MUC4: variants seen among roughly 807,000 people sequenced by gnomAD.
MUC4 encodes mucin 4, cell surface associated.
A neutral mutation model predicts 257.9 loss-of-function variants in MUC4; 202 were observed. The observed-to-expected ratio is 0.78, with a 90% CI of 0.70 to 0.88. The LOEUF (loss-of-function observed/expected upper bound fraction) is 0.88, where lower values mean the gene tolerates loss of function less well. Ranked by LOEUF, MUC4 falls within the 40% of genes least tolerant of loss-of-function variation. The pLI, the probability that MUC4 is intolerant of heterozygous loss-of-function variation, is 0.00. For missense variants in MUC4, 5,976 were observed against 6,513.7 expected, an observed-to-expected ratio of 0.92 and a Z score of 2.84; for synonymous variants, 2,351 against 2,757.1, an observed-to-expected ratio of 0.85 and a Z score of 4.62.
intron 5 of MUC4, chr3:195,770,806 C>T (rs1312167452): frequency 4.4e-6 from 2 of 452,974 alleles, no homozygotes; most frequent in Non-Finnish European, 8.9e-6. Flanking sequence ...CACATTTCCT[C>T]TGATTGGAGT....
At chr3:195,767,703 T>TC (rs1560263757) in intron 7 of MUC4, among the ~76,000 whole-genome samples, 5 of 1,214 alleles carry the variant, frequency 4.1e-3, no homozygotes, top group Non-Finnish European at 7.2e-3. Flanking sequence ...CCCCAAAAAA[T>TC]ACCACCATCG....
At position 195,784,411 on chromosome 3, in the gene MUC4, GCGTC is replaced by G. The variant is rs1730245494; in HGVS notation, c.7165_7168del (p.Asp2389LeufsTer614). 1 of 1,476,484 alleles carries G rather than the reference GCGTC, an allele frequency of 6.8e-7. No individual in the cohort carries two copies. The highest frequency in any genetic ancestry group is 1.5e-5 in the African/African-American group (1 of 65,758). The allele number at this position is 1,476,484 out of a possible 1,614,324, so 91.5% of individuals were successfully genotyped here. A position where few individuals can be genotyped will look rare whatever the true frequency, so the allele number is the denominator to read the frequency against. On this transcript the variant is annotated frameshift_variant, in exon 2 of 25. Transcript: ENST00000463781. LOFTEE classifies it high-confidence loss of function. ...GGTGTCACCTGTGGATGCTGAGGAA[GCGTC>G]GGTGACAGGAAGAGGGGTGGTGTGA... is the stretch of plus-strand genomic sequence containing the variant.
At position 195,774,157 on chromosome 3, in the gene MUC4, G is replaced by A. The variant is rs200095535; in HGVS notation, c.13077+15C>T. On this transcript the variant is annotated intron_variant, in intron 4 of 24. Coordinates refer to ENST00000463781, the MANE Select transcript of MUC4 (RefSeq NM_018406.7). ...CCTGGGAGTTCAGGCTGCGCGGGCC[G>A]CAGCCCGGACTCACGTAGAGGGAAT... The A allele has an allele frequency of 9.2e-5, 147 of 1,593,474 alleles. 2 individuals are homozygous for A. In the East Asian group the frequency reaches 2.7e-3, roughly 30 times the overall value.
rs537778824 is a variant in MUC4, at chr3:195,781,685, C to G, written c.9895G>C (p.Val3299Leu). ...SSTGDTTPLL[V>L]TETSSVSTGH... The stretch of plus-strand genomic sequence containing the variant: ...GTGGATACTGAGGAAGTCTCGGTGA[C>G]AAGAAGAGGGGTGGTGTCACCTGTG... The change falls in exon 2 of 25, where the codon GTC becomes CTC. Residue 3299 changes from valine (V) to leucine (L), a missense_variant. By Grantham distance (32) the Val-to-Leu change is conservative. This residue lies in a region of MUC4 where 51 missense variants were observed against 66.9 expected (regional missense o/e 0.76). Transcript: ENST00000463781. 2.0e-4 allele frequency: 268 copies of G among 1,346,336 alleles called. 13 individuals are homozygous for G. In the African/African-American group the frequency reaches 2.7e-3, roughly 13 times the overall value. The allele number at this position is 1,346,336 out of a possible 1,614,324, so 83.4% of individuals were successfully genotyped here.
At position 195,755,212 on chromosome 3, in the gene MUC4, T is replaced by TA. The variant is rs1717426649; in HGVS notation, c.15169-841dup. 6.6e-6 allele frequency among the ~76,000 whole-genome samples: 1 copy of TA among 151,728 alleles called. No homozygotes were observed. The highest frequency in any genetic ancestry group is 2.4e-5 in the African/African-American group (1 of 41,276). Reference sequence around the variant, plus strand: ...TGTATTTTTCTTCTGCTTTTTTTTTTAATGAGACAGTCTCGTTCTGTTTCC... The same window carrying TA: ...TGTATTTTTCTTCTGCTTTTTTTTTTAAATGAGACAGTCTCGTTCTGTTTCC... On this transcript the variant is annotated intron_variant, in intron 18 of 24. Transcript: ENST00000463781. This position sits in a 1 kb window ranked among gnomAD's most constrained non-coding sequence, Gnocchi z 5.0.
intron 24 of MUC4, among the ~76,000 whole-genome samples, chr3:195,747,636 G>A (rs1287150634): frequency 6.6e-6 from 1 of 152,286 alleles, no homozygotes; most frequent in Non-Finnish European, 1.5e-5. Context: ...AGGCTGAGGC[G>A]GGCGCATCAC....
rs201624504 is a variant in MUC4 at position 195,764,038 on chromosome 3, C to A, written c.14044+7G>T. On this transcript the variant is annotated splice_region_variant and intron_variant, in intron 11 of 24. Transcript: ENST00000463781. ...GGCTCTTCCTGGGCCTGGGCCCTGT[C>A]GCTCACCGGGCTGTGGGGGCCTGTA... 1 of 1,607,982 alleles carries A rather than the reference C, an allele frequency of 6.2e-7. No homozygotes were observed. Among genetic ancestry groups the A allele is most frequent in the Non-Finnish European group, 8.5e-7 (1 of 1,177,532 alleles).
Position 195,788,123 on chromosome 3 carries a change from G to C in MUC4, c.3457C>G (p.Leu1153Val). Reference sequence around the variant, plus strand: ...GCTGAGGAAGCATCAGTGACATGAAGAGGGGTGGTGTGACCTGTGGATACT... The same window carrying C: ...GCTGAGGAAGCATCAGTGACATGAACAGGGGTGGTGTGACCTGTGGATACT... ...SSVSTGHTTPLHVTDASSAST... is the reference protein window; with the variant it reads ...SSVSTGHTTPVHVTDASSAST... The change falls in exon 2 of 25, where the codon CTT (leucine) becomes GTT (valine). Residue 1153 changes from leucine to valine, a missense_variant. This residue lies in a region of MUC4 where 90 missense variants were observed against 106.2 expected (regional missense o/e 0.85). Coordinates refer to ENST00000463781, the MANE Select transcript of MUC4 (RefSeq NM_018406.7). The C allele has an allele frequency of 1.3e-6, 2 of 1,494,292 alleles. No individual in the cohort carries two copies. Among genetic ancestry groups the C allele is most frequent in the Non-Finnish European group, 1.8e-6 (2 of 1,115,594 alleles). 92.6% of individuals were successfully genotyped at this position (1,494,292 alleles called of 1,614,324 possible).
chr3:195,802,745 G>C (rs1204714128), intron 1 of MUC4, among the ~76,000 whole-genome samples: 1 of 152,148 alleles, frequency 6.6e-6, no homozygotes, highest in Admixed American at 6.5e-5. Context: ...TGCGTGGCAG[G>C]GTGGCTTCTG....
chr3:195,754,255 C>G lies in MUC4; in HGVS notation c.15286G>C (p.Ala5096Pro). Residue 5096 changes from alanine (A) to proline (P), a missense_variant, in exon 19 of 25, where the codon GCC becomes CCC. By Grantham distance (27) the Ala-to-Pro change is conservative. Coordinates refer to ENST00000463781, the MANE Select transcript of MUC4 (RefSeq NM_018406.7). ...VHCVPGKGCE[A>P]CPPNLTGDGR... ...TCCCCAGTCAGGTTTGGAGGGCAGG[C>G]CTCGCAGCCCTTCCCAGGAACGCAG... The G allele has an allele frequency of 3.1e-6, 5 of 1,614,038 alleles. No individual in the cohort carries two copies. The highest frequency in any genetic ancestry group is 4.2e-6 in the Non-Finnish European group (5 of 1,179,996).
At chr3:195,795,754 A>C (rs559558073) in intron 1 of MUC4, among the ~76,000 whole-genome samples, 1 of 151,754 alleles carries the variant, frequency 6.6e-6, no homozygotes, top group Non-Finnish European at 1.5e-5. Flanking sequence ...ACCAGAACTC[A>C]CTATAGAAAC....
At chr3:195,752,755 G>A (rs1330325906) in intron 20 of MUC4, among the ~76,000 whole-genome samples, 2 of 152,046 alleles carry the variant, frequency 1.3e-5, no homozygotes, top group Admixed American at 6.5e-5. Flanking sequence ...TGGCCCTCAC[G>A]CTAGGGCTCA....
Position 195,782,509 on chromosome 3 carries a change from G to T in MUC4, c.9071C>A (p.Pro3024His). The part of the protein sequence containing the change: ...TSSISTGHAT[P>H]LHVTSPSSAS... Reference sequence around the variant, plus strand: ...TGAGGAAGGGCTGGTGACATGAAGAGGGGTGGCGTGACCTGTGGATATTGA... The same window carrying T: ...TGAGGAAGGGCTGGTGACATGAAGATGGGTGGCGTGACCTGTGGATATTGA... The change falls in exon 2 of 25, where the codon CCT becomes CAT. Residue 3024 changes from proline (P) to histidine (H), a missense_variant. This residue lies in a region of MUC4 where 68 missense variants were observed against 50.2 expected (regional missense o/e 1.35). Transcript: ENST00000463781. The T allele has an allele frequency of 7.2e-7, 1 of 1,386,160 alleles. No individual in the cohort carries two copies. The highest frequency in any genetic ancestry group is 9.7e-7 in the Non-Finnish European group (1 of 1,032,020). The allele number at this position is 1,386,160 out of a possible 1,614,324, so 85.9% of individuals were successfully genotyped here.
chr3:195,778,341 CG>C lies in MUC4; in HGVS notation c.12904del (p.Arg4302AlafsTer125), dbSNP rs780572180. 3.7e-6 allele frequency: 6 copies of C among 1,612,326 alleles called. 1 individual carries two copies. The South Asian group carries it at 6.6e-5, about 18-fold the overall frequency. On this transcript the variant is annotated frameshift_variant, in exon 3 of 25. Transcript: ENST00000463781. LOFTEE classifies it high-confidence loss of function. Reference sequence around the variant, plus strand: ...GATGGGGATGGGGGCAGCTGTGGAGCGGGTGTGCATGGCAGTGCTGGGAATG... The same window carrying C: ...GATGGGGATGGGGGCAGCTGTGGAGCGGTGTGCATGGCAGTGCTGGGAATG... ...STIPSTAMHT[R>X]STAAPIPILP...
At position 195,779,703 on chromosome 3, in the gene MUC4, G is replaced by C; in HGVS notation, c.11877C>G (p.Ser3959=). 3.6e-6 allele frequency: 5 copies of C among 1,383,194 alleles called. No homozygotes were observed. Among genetic ancestry groups the C allele is most frequent in the Non-Finnish European group, 4.8e-6 (5 of 1,032,676 alleles). The allele number at this position is 1,383,194 out of a possible 1,614,324, so 85.7% of individuals were successfully genotyped here. The change falls in exon 2 of 25, where the codon TCC becomes TCG. Residue 3959 remains serine (S), a synonymous_variant. Transcript: ENST00000463781. ...AGGTGGCGTGACCTGTGGATACTGA[G>C]GAAGTGTCGGTGACAGGAAGAGGGG... The part of the protein sequence containing the change: ...DTTPLPVTDT[S]SVSTGHATSL...
At position 195,763,911 on chromosome 3, in the gene MUC4, C is replaced by T. The variant is rs1480142932; in HGVS notation, c.14044+134G>A. ...AAAGCCCCTCCACTGACCATCCACC[C>T]ATCACTGGCGTCATCTCCATCTTCC... On this transcript the variant is annotated intron_variant, in intron 11 of 24. Coordinates refer to ENST00000463781, the MANE Select transcript of MUC4 (RefSeq NM_018406.7). 3 of 1,348,078 alleles carry T rather than the reference C, an allele frequency of 2.2e-6. No individual in the cohort carries two copies. In the African/African-American group the frequency reaches 4.4e-5, roughly 20 times the overall value. The allele number at this position is 1,348,078 out of a possible 1,614,324, so 83.5% of individuals were successfully genotyped here.
At position 195,789,856 on chromosome 3, in the gene MUC4, C is replaced by G; in HGVS notation, c.1724G>C (p.Gly575Ala). 6.2e-7 allele frequency: 1 copy of G among 1,613,872 alleles called. No homozygotes were observed. The highest frequency in any genetic ancestry group is 8.5e-7 in the Non-Finnish European group (1 of 1,179,868). Residue 575 changes from glycine (G) to alanine (A), a missense_variant, in exon 2 of 25, where the codon GGA becomes GCA. Gly to Ala is a moderately conservative substitution (Grantham distance 60, BLOSUM62 0). This residue lies in a region of MUC4 where 1,583 missense variants were observed against 1,257.4 expected (regional missense o/e 1.26). Transcript: ENST00000463781. The stretch of plus-strand genomic sequence containing the variant: ...GCTTGGGCTGCTGAGAAGAGCCTCT[C>G]CAGTGGTCCCCGTTTCTTGTGTCCA... ...TQWTQETGTT[G>A]EALLSSPSYS...
At position 195,778,778 on chromosome 3, in the gene MUC4, G is replaced by A. The variant is rs1281089118; in HGVS notation, c.12790+12C>T. The A allele has an allele frequency of 8.7e-6, 14 of 1,602,824 alleles. No homozygotes were observed. In the East Asian group the frequency reaches 1.1e-4, roughly 13 times the overall value. ...CACTGGGAGACATAAAGGCGAGGCA[G>A]TTGGCAGCTACCTGGTGTTTCCATC... is the stretch of plus-strand genomic sequence containing the variant. On this transcript the variant is annotated intron_variant, in intron 2 of 24. Transcript: ENST00000463781.
rs772372247 is a variant in MUC4 at position 195,786,278 on chromosome 3, A to T, written c.5302T>A (p.Ser1768Thr). ...ATPLPVTDTS[S>T]VSTAHATPLP... is the part of the protein sequence containing the mutation. ...GGGGTGGCGTGAGCTGTGGATACTG[A>T]GGAAGTGTCGGTGACAGGAAGAGGG... Residue 1768 changes from serine (S) to threonine (T), a missense_variant, in exon 2 of 25, where the codon TCA (serine) becomes ACA (threonine). Ser to Thr is a moderately conservative substitution (Grantham distance 58). Coordinates refer to ENST00000463781, the MANE Select transcript of MUC4 (RefSeq NM_018406.7). 1 of 1,500,608 alleles carries T rather than the reference A, an allele frequency of 6.7e-7. No individual in the cohort carries two copies. Among genetic ancestry groups the T allele is most frequent in the South Asian group, 1.2e-5 (1 of 81,472 alleles). 93.0% of individuals were successfully genotyped at this position (1,500,608 alleles called of 1,614,324 possible).
Sources: gnomAD v4.1 joint callset for allele counts (sites outside exome capture counted in the v4.1 genomes callset) on GRCh38, gnomAD v4.1.1 for gene constraint, gnomAD v4.1.1 regional missense constraint, Gnocchi (gnomAD v3.1) non-coding constraint, MANE v1.5 for transcripts, NCBI Gene and HGNC (gene_info 2026-07-23, HGNC 2026-07-21) for gene names.